The following SLC6A2 variants were observed in gnomAD, a reference collection of about 807,000 sequenced individuals.
SLC6A2 encodes the protein solute carrier family 6 member 2.
A neutral mutation model predicts 71.7 loss-of-function variants in SLC6A2; 26 were observed. The observed-to-expected ratio is 0.36, with a 90% confidence interval of 0.27 to 0.50. SLC6A2 has a LOEUF of 0.50. Ranked by LOEUF, SLC6A2 falls within the 20% of genes least tolerant of loss-of-function variation. The pLI is 0.96. For synonymous variants in SLC6A2, 363 were observed against 337.9 expected (o/e 1.07, Z -0.82); for missense variants, 581 against 803.9 (o/e 0.72, Z 3.35).
At chr16:55,659,741 G>T (rs1964559784) in intron 2 of SLC6A2, among the ~76,000 whole-genome samples, 1 of 152,172 alleles carries the variant, frequency 6.6e-6, no homozygotes, top group African/African-American at 2.4e-5. Flanking sequence ...AACACTCAGT[G>T]GTAACTAATA....
chr16:55,671,534 T>C, intron 3 of SLC6A2: 1 of 387,654 alleles, frequency 2.6e-6, no homozygotes, highest in African/African-American at 2.0e-5. Flanking sequence ...AGCGGGTAAG[T>C]GAAGCTTCAT....
At chr16:55,678,828 T>G (rs370659815) in intron 4 of SLC6A2, among the ~76,000 whole-genome samples, 8 of 152,326 alleles carry the variant, frequency 5.3e-5, no homozygotes, top group African/African-American at 1.7e-4. Context: ...AAACTAAAAC[T>G]GACGTAAGTT....
Position 55,700,288 on chromosome 16 carries a change from G to T in SLC6A2, c.1740G>T (p.Thr580=), listed in dbSNP as rs369020982. The T allele has an allele frequency of 6.2e-7, 1 of 1,613,546 alleles. No individual in the cohort carries two copies. The highest frequency in any genetic ancestry group is 1.1e-5 in the South Asian group (1 of 91,050). ...PIYVIYKFLS[T]QGSLWERLAY... ...ACGTCATCTATAAGTTCCTCAGCAC[G>T]CAGGGCTCTCTTTGGGAGGTGAGCT... The change falls in exon 13 of 15, where the codon ACG becomes ACT. Residue 580 remains threonine (T), a synonymous_variant. Transcript: ENST00000568943.
intron 2 of SLC6A2, among the ~76,000 whole-genome samples, chr16:55,658,798 A>G (rs1964530370): frequency 6.6e-6 from 1 of 152,112 alleles, no homozygotes; most frequent in Admixed American, 6.5e-5. Flanking sequence ...TGCGGGCTCA[A>G]TGTTTGTGTC....
chr16:55,698,439 G>A lies in SLC6A2; in HGVS notation c.1390-30G>A, dbSNP rs1269658466. On this transcript the variant is annotated intron_variant, in intron 10 of 14. Transcript: ENST00000568943. ...CAGTTCCCACGTTTGACCAAAGAGG[G>A]CCTCTTGGCTTCTTCTCTCCCTGTG... The A allele has an allele frequency of 2.0e-6, 3 of 1,488,722 alleles. No individual in the cohort carries two copies. In the Admixed American group the frequency reaches 5.0e-5, roughly 25 times the overall value. 92.2% of individuals were successfully genotyped at this position (1,488,722 alleles called of 1,614,324 possible).
chr16:55,672,809 A>T (rs1332871810), intron 4 of SLC6A2, among the ~76,000 whole-genome samples: 1 of 152,240 alleles, frequency 6.6e-6, no homozygotes. Flanking sequence ...TATTTGGACC[A>T]TGTGTGCACG....
rs1964450492 is a variant in SLC6A2, at chr16:55,656,478, A to G, written c.-51-166A>G. On this transcript the variant is annotated intron_variant, in intron 1 of 14. Transcript: ENST00000568943. This position sits in a 1 kb window ranked among gnomAD's most constrained non-coding sequence, Gnocchi z 4.5. ...AACTCTTGAGTTCCGGCGTGCCCCA[A>G]CCTCTGTTTCCAAATTTTTCCAGCG... The G allele has an allele frequency of 1.6e-6, 1 of 617,958 alleles. No individual in the cohort carries two copies. The highest frequency in any genetic ancestry group is 1.9e-5 in the South Asian group (1 of 52,072). The allele number at this position is 617,958 out of a possible 1,614,324, so 38.3% of individuals were successfully genotyped here.
chr16:55,690,883 C>T lies in SLC6A2; in HGVS notation c.784-1035C>T, dbSNP rs554733741. On this transcript the variant is annotated intron_variant, in intron 5 of 14. Transcript: ENST00000568943. ...ACCTATATAACACCCCCATCCCTGT[C>T]TCTACCTTTCTTTTCTGTTCCTCCA... Among the ~76,000 whole-genome samples, 63 of 152,262 alleles carry T rather than the reference C, an allele frequency of 4.1e-4. No individual in the cohort carries two copies. The South Asian group carries it at 9.1e-3, about 22-fold the overall frequency.
At position 55,656,216 on chromosome 16, in the gene SLC6A2, C is replaced by A. The variant is rs1160307863; in HGVS notation, c.-52+47C>A. The A allele has an allele frequency of 4.7e-5, 10 of 215,008 alleles. No individual in the cohort carries two copies. The highest frequency in any genetic ancestry group is 4.4e-4 in the South Asian group (6 of 13,736). The allele number at this position is 215,008 out of a possible 1,614,324, so 13.3% of individuals were successfully genotyped here. A position where few individuals can be genotyped will look rare whatever the true frequency, so the allele number is the denominator to read the frequency against. On this transcript the variant is annotated intron_variant, in intron 1 of 14. Coordinates refer to ENST00000568943, the MANE Select transcript of SLC6A2 (RefSeq NM_001172501.3). The surrounding 1 kb of genome is among the most constrained non-coding windows in gnomAD (Gnocchi z 4.5). ...GACAGGGCTAGGTCTGCCTGGGAGGCCCGGGCCGAGACGCGCCAGCAGAGG... is the reference window on the plus strand; with the variant it reads ...GACAGGGCTAGGTCTGCCTGGGAGGACCGGGCCGAGACGCGCCAGCAGAGG...
intron 3 of SLC6A2, among the ~76,000 whole-genome samples, chr16:55,670,236 A>G (rs916364082): frequency 1.3e-5 from 2 of 152,138 alleles, no homozygotes; most frequent in Non-Finnish European, 2.9e-5. Context: ...GGCATGGAGG[A>G]AGAGTTAGTC....
chr16:55,663,938 C>T (rs946491946), intron 2 of SLC6A2, among the ~76,000 whole-genome samples: 1 of 152,078 alleles, frequency 6.6e-6, no homozygotes, highest in African/African-American at 2.4e-5. Context: ...GGAAGGAATG[C>T]TGCACAGGGA....
rs201668713 is a variant in SLC6A2, at chr16:55,698,431, C to T, written c.1390-38C>T. 5 of 1,434,714 alleles carry T rather than the reference C, an allele frequency of 3.5e-6. No homozygotes were observed. In the East Asian group the frequency reaches 9.1e-5, roughly 26 times the overall value. 88.9% of individuals were successfully genotyped at this position (1,434,714 alleles called of 1,614,324 possible). A position where few individuals can be genotyped will look rare whatever the true frequency, so the allele number is the denominator to read the frequency against. ...ACAACAATCAGTTCCCACGTTTGACCAAAGAGGGCCTCTTGGCTTCTTCTC... is the reference window on the plus strand; with the variant it reads ...ACAACAATCAGTTCCCACGTTTGACTAAAGAGGGCCTCTTGGCTTCTTCTC... On this transcript the variant is annotated intron_variant, in intron 10 of 14. Transcript: ENST00000568943.
chr16:55,700,051 C>G, intron 12 of SLC6A2, 88 bp from the exon 13 acceptor site: 8 of 1,125,466 alleles, frequency 7.1e-6, no homozygotes, highest in Non-Finnish European at 9.3e-6. Flanking sequence ...CATTTCTCTC[C>G]CACCTTTCTT....
chr16:55,682,383 A>C (rs1965301104), intron 4 of SLC6A2, among the ~76,000 whole-genome samples: 1 of 152,174 alleles, frequency 6.6e-6, no homozygotes, highest in Non-Finnish European at 1.5e-5. Context: ...TGCTAAGAGA[A>C]AGATTGAGAG....
chr16:55,685,404 G>A, intron 5 of SLC6A2, 123 bp downstream of exon 5: 1 of 1,041,856 alleles, frequency 9.6e-7, no homozygotes, highest in Non-Finnish European at 1.5e-6. Context: ...CAAGGCCTGG[G>A]TTCAAGCCCC....
At position 55,705,393 on chromosome 16, in the gene SLC6A2, A is replaced by T; in HGVS notation, c.*3047A>T. 1.5e-6 allele frequency: 1 copy of T among 660,062 alleles called. No individual in the cohort carries two copies. The highest frequency in any genetic ancestry group is 2.7e-5 in the East Asian group (1 of 36,522). The allele number at this position is 660,062 out of a possible 1,614,324, so 40.9% of individuals were successfully genotyped here. ...TGTGAGACTGAAGCATTCTTACCAA[A>T]GAAATCATTTCCTAGTAAAGAAGCC... On this transcript the variant is annotated 3_prime_UTR_variant, in exon 15 of 15. Transcript: ENST00000568943.
chr16:55,690,245 G>A (rs1170049686), intron 5 of SLC6A2, among the ~76,000 whole-genome samples: 1 of 152,146 alleles, frequency 6.6e-6, no homozygotes, highest in Non-Finnish European at 1.5e-5. Flanking sequence ...GGACTCACAT[G>A]TGCCGGATTC....
At chr16:55,660,063 T>G (rs1964569168) in intron 2 of SLC6A2, among the ~76,000 whole-genome samples, 1 of 152,194 alleles carries the variant, frequency 6.6e-6, no homozygotes, top group Admixed American at 6.5e-5. Flanking sequence ...TCTAAAGGCC[T>G]GAGGAAGGGC....
rs778303746 is a variant in SLC6A2, at chr16:55,702,496, G to A, written c.*150G>A. On this transcript the variant is annotated 3_prime_UTR_variant, in exon 15 of 15. Coordinates refer to ENST00000568943, the MANE Select transcript of SLC6A2 (RefSeq NM_001172501.3). ...TCTTTTCCCATTTACAAATGATTTCGTGACTGTAGTTTTTGTTCACCTTCT... is the reference window on the plus strand; with the variant it reads ...TCTTTTCCCATTTACAAATGATTTCATGACTGTAGTTTTTGTTCACCTTCT... 46 of 1,542,944 alleles carry A rather than the reference G, an allele frequency of 3.0e-5. No homozygotes were observed. Among genetic ancestry groups the A allele is most frequent in the Non-Finnish European group, 3.7e-5 (42 of 1,141,864 alleles).
Sources: allele counts gnomAD v4.1 joint callset (sites outside exome capture counted in the v4.1 genomes callset), GRCh38; gene constraint gnomAD v4.1.1; non-coding constraint Gnocchi (gnomAD v3.1); transcripts MANE v1.5; gene names NCBI Gene and HGNC (gene_info 2026-07-23, HGNC 2026-07-21).